Variants in C3orf52 observed in about 807,000 individuals in gnomAD.
C3orf52 encodes the protein chromosome 3 open reading frame 52, also known as TPA-induced transmembrane protein.
In C3orf52, 22 loss-of-function variants were observed where a neutral mutation model predicts 24.8. The ratio of observed to expected loss-of-function variants is 0.89; its 90% CI spans 0.63 to 1.27. The LOEUF (loss-of-function observed/expected upper bound fraction) is 1.27, where lower values mean the gene tolerates loss of function less well. C3orf52 is among the 50% of genes most tolerant of loss of function. The pLI is 0.00. For synonymous variants in C3orf52, 93 were observed against 100.2 expected (o/e 0.93, Z 0.43); for missense variants, 265 against 260.7 (o/e 1.02, Z -0.11).
intron 3 of C3orf52, among the ~76,000 whole-genome samples, chr3:112,105,781 C>CCACT (rs1464342699): frequency 1.3e-5 from 2 of 150,430 alleles, no homozygotes; most frequent in East Asian, 3.9e-4. Flanking sequence ...CGAGACCGTG[C>CCACT]CACTGCACTC....
intron 3 of C3orf52, 69 bp downstream of exon 3, chr3:112,103,034 G>T: frequency 6.8e-7 from 1 of 1,474,322 alleles, no homozygotes. Flanking sequence ...AGAATAATTG[G>T]CATAGAGCTA....
chr3:112,109,554 G>A lies in C3orf52; in HGVS notation c.408G>A (p.Val136=). Residue 136 remains valine (V), a synonymous_variant, in exon 4 of 6, where the codon GTG becomes GTA. Transcript: ENST00000264848. Reference sequence around the variant, plus strand: ...TTCTGTTTGTTTAGCTCACAGATGTGTACAGTACATCGCCCTCTCTGGGTC... The same window carrying A: ...TTCTGTTTGTTTAGCTCACAGATGTATACAGTACATCGCCCTCTCTGGGTC... ...PHLLTERLTD[V]YSTSPSLGRY... 6.3e-7 allele frequency: 1 copy of A among 1,597,590 alleles called. No individual in the cohort carries two copies. Among genetic ancestry groups the A allele is most frequent in the South Asian group, 1.1e-5 (1 of 90,124 alleles).
chr3:112,097,796 G>A (rs114107429), intron 2 of C3orf52, among the ~76,000 whole-genome samples: 232 of 152,240 alleles, frequency 1.5e-3, no homozygotes, highest in African/African-American at 5.4e-3. Context: ...ACCCTTACCT[G>A]TGGTCTCCAT....
intron 1 of C3orf52, among the ~76,000 whole-genome samples, chr3:112,090,966 G>A (rs1317360478): frequency 6.6e-6 from 1 of 152,176 alleles, no homozygotes; most frequent in African/African-American, 2.4e-5. Flanking sequence ...CCCTGGCTTT[G>A]AAGCAGTTCT....
chr3:112,110,420 C>T (rs1222108296), intron 4 of C3orf52, among the ~76,000 whole-genome samples: 1 of 152,144 alleles, frequency 6.6e-6, no homozygotes. Context: ...TCTCCACTGC[C>T]ACCACCAATA....
At chr3:112,128,303 T>G in exon 5 of C3orf52, 1 of 660,676 alleles carries the variant, frequency 1.5e-6, no homozygotes, top group Non-Finnish European at 2.8e-6. Flanking sequence ...AAAGGAAAAA[T>G]GTTTCCTCAC....
At position 112,089,869 on chromosome 3, in the gene C3orf52, C is replaced by T. The variant is rs529019881; in HGVS notation, c.138+3324C>T. Among the ~76,000 whole-genome samples, 5 of 152,210 alleles carry T rather than the reference C, an allele frequency of 3.3e-5. No homozygotes were observed. The East Asian group carries it at 9.6e-4, about 29-fold the overall frequency. ...ATCCGGGGAATGTTCATAGGAAAGC[C>T]CTGAAAATTCTTGAGCCATATAATA... On this transcript the variant is annotated intron_variant, in intron 1 of 5. Coordinates refer to ENST00000264848, the MANE Select transcript of C3orf52 (RefSeq NM_024616.3).
At chr3:112,128,090 A>C in intron 4 of C3orf52, 1 of 1,606,362 alleles carries the variant, frequency 6.2e-7, no homozygotes, top group Non-Finnish European at 8.5e-7. Flanking sequence ...ATGGCAAATC[A>C]TAAGGTTGAT....
At chr3:112,122,738 C>T (rs2074224174), downstream of C3orf52, 1 of 152,092 alleles carries the variant, frequency 6.6e-6, no homozygotes, top group African/African-American at 2.4e-5. Context: ...CCTCTCTGAG[C>T]CAAAGAAGGG....
downstream of C3orf52, chr3:112,134,905 A>T (rs2074535159): frequency 6.5e-6 from 1 of 154,974 alleles, no homozygotes; most frequent in Non-Finnish European, 1.5e-5. Context: ...ACCTTCTGTG[A>T]CATTAGAGAT....
intron 5 of C3orf52, 55 bp downstream of exon 5, chr3:112,113,200 T>C: frequency 1.4e-6 from 2 of 1,454,844 alleles, no homozygotes; most frequent in Middle Eastern, 1.8e-4. Context: ...GTGAACCAGA[T>C]TGGGGTCAAA....
chr3:112,102,761 A>C, intron 2 of C3orf52, 77 bp from the exon 3 acceptor site: 1 of 1,301,312 alleles, frequency 7.7e-7, no homozygotes, highest in Non-Finnish European at 1.0e-6. Context: ...TATGGCAGTC[A>C]ATGGAATAAA....
At chr3:112,102,178 T>C (rs1257484014) in intron 2 of C3orf52, among the ~76,000 whole-genome samples, 1 of 152,128 alleles carries the variant, frequency 6.6e-6, no homozygotes, top group East Asian at 1.9e-4. Context: ...TGGACTCGCA[T>C]GCTCATTTTC....
At chr3:112,104,083 C>T (rs531213151) in intron 3 of C3orf52, among the ~76,000 whole-genome samples, 2 of 152,170 alleles carry the variant, frequency 1.3e-5, no homozygotes, top group South Asian at 2.1e-4. Context: ...GGAAGATTTG[C>T]GTGAGATTTA....
intron 3 of C3orf52, among the ~76,000 whole-genome samples, chr3:112,105,840 A>AC (rs1470933005): frequency 6.6e-6 from 1 of 151,832 alleles, no homozygotes; most frequent in African/African-American, 2.4e-5. Flanking sequence ...AAAAAAAAAA[A>AC]AAGATGCCAG....
chr3:112,123,840 A>T, intron 4 of C3orf52: 1 of 1,516,866 alleles, frequency 6.6e-7, no homozygotes, highest in Non-Finnish European at 8.9e-7. Flanking sequence ...TTCAGTCTCA[A>T]CACAGGCTTG....
At chr3:112,098,538 T>C (rs2073945302) in intron 2 of C3orf52, among the ~76,000 whole-genome samples, 1 of 152,244 alleles carries the variant, frequency 6.6e-6, no homozygotes, top group African/African-American at 2.4e-5. Flanking sequence ...CTAGAGATAT[T>C]TATCTAAAAA....
At chr3:112,127,493 A>G (rs1007714219) in intron 4 of C3orf52, among the ~76,000 whole-genome samples, 7 of 152,204 alleles carry the variant, frequency 4.6e-5, no homozygotes, top group African/African-American at 1.7e-4. Flanking sequence ...TGTGATATAA[A>G]TATAATGGAA....
At position 112,086,496 on chromosome 3, in the gene C3orf52, G is replaced by A. The variant is rs762553554; in HGVS notation, c.89G>A (p.Gly30Asp). The change falls in exon 1 of 6, where the codon GGT (glycine) becomes GAT (aspartate). Residue 30 changes from glycine to aspartate, a missense_variant. Gly to Asp is a moderately conservative substitution (Grantham distance 94). Coordinates refer to ENST00000264848, the MANE Select transcript of C3orf52 (RefSeq NM_024616.3). ...RQPEENTPLN[G>D]ADKVFPSLDE... ...CCAGAAGAGAACACGCCTCTCAATG[G>A]TGCCGACAAGGTCTTCCCTTCTTTG... The A allele has an allele frequency of 6.4e-7, 1 of 1,551,488 alleles. No homozygotes were observed. Among genetic ancestry groups the A allele is most frequent in the South Asian group, 1.2e-5 (1 of 84,032 alleles).
Sources: gnomAD v4.1 joint callset for allele counts (sites outside exome capture counted in the v4.1 genomes callset) on GRCh38, gnomAD v4.1.1 for gene constraint, MANE v1.5 for transcripts, NCBI Gene and HGNC (gene_info 2026-07-23, HGNC 2026-07-21) for gene names.